Variants in CPXCR1 observed in about 807,000 individuals in gnomAD.
The protein encoded by CPXCR1 is CPX chromosome region candidate 1.
A neutral mutation model predicts 13.8 loss-of-function variants in CPXCR1; 15 were observed. The observed-to-expected ratio is 1.09, with a 90% CI of 0.73 to 1.67. The LOEUF (loss-of-function observed/expected upper bound fraction) is 1.67. Among genes scored for constraint, CPXCR1 ranks in the 40% most tolerant of loss-of-function variants. CPXCR1 has a pLI of 0.00. For synonymous variants in CPXCR1, 70 were observed against 76.7 expected (o/e 0.91, Z 0.46); for missense variants, 247 against 223.6 (o/e 1.10, Z -0.67).
In CPXCR1 at chrX:88,753,719, C is replaced by A. The variant is rs144058777; in HGVS notation, c.305C>A (p.Ser102Tyr). 1,520 of 1,207,300 alleles carry A rather than the reference C, an allele frequency of 1.3e-3. 10 individuals are homozygous for A. The African/African-American group carries it at 0.023, about 18-fold the overall frequency. Reference sequence around the variant, plus strand: ...ACCCCCATTCCCAGAAAATTGGTCTCTCACAAGCCCTTAAATGATAGATCA... The same window carrying A: ...ACCCCCATTCCCAGAAAATTGGTCTATCACAAGCCCTTAAATGATAGATCA... ...LQTPIPRKLV[S>Y]HKPLNDRSRS... Residue 102 changes from serine (S) to tyrosine (Y), a missense_variant, in exon 3 of 3, where the codon TCT becomes TAT. Physicochemically the swap from Ser to Tyr is moderately radical, Grantham distance 144. Coordinates refer to ENST00000276127, the MANE Select transcript of CPXCR1 (RefSeq NM_033048.6).
intron 2 of CPXCR1, among the ~76,000 whole-genome samples, chrX:88,752,524 T>TTTTATTTATTTA (rs58707373): frequency 2.8e-4 from 27 of 96,889 alleles, no homozygotes; most frequent in African/African-American, 7.1e-4. Flanking sequence ...TATTTATCCA[T>TTTTATTTATTTA]TTTATTTATT....
chrX:88,749,733 A>G (rs906842709), intron 2 of CPXCR1, among the ~76,000 whole-genome samples: 3 of 110,183 alleles, frequency 2.7e-5, no homozygotes, highest in African/African-American at 9.9e-5. Flanking sequence ...TAAAATAAAG[A>G]TAAATAAAGC....
intron 2 of CPXCR1, among the ~76,000 whole-genome samples, chrX:88,750,900 C>A (rs1924899979): frequency 8.9e-6 from 1 of 111,877 alleles, no homozygotes; most frequent in Admixed American, 9.5e-5. Context: ...GTTTGTATTT[C>A]TGTGGGATCA....
intron 2 of CPXCR1, among the ~76,000 whole-genome samples, chrX:88,751,140 T>C (rs1924905461): frequency 9.0e-6 from 1 of 111,537 alleles, no homozygotes; most frequent in Non-Finnish European, 1.9e-5. Flanking sequence ...CTTGCTTCTC[T>C]AATTCTTTTA....
chrX:88,750,060 C>T (rs1272229446), intron 2 of CPXCR1, among the ~76,000 whole-genome samples: 1 of 110,342 alleles, frequency 9.1e-6, no homozygotes, highest in South Asian at 3.9e-4. Context: ...TATTTGAATG[C>T]CCTTTCTTTC....
chrX:88,748,795 TTGTGTGTGTG>T (rs748485686), intron 1 of CPXCR1, among the ~76,000 whole-genome samples: 1 of 99,646 alleles, frequency 1.0e-5, no homozygotes, highest in African/African-American at 3.6e-5. Context: ...GATATTTCTT[TTGTGTGTGTG>T]TGTGTGTGTG....
Position 88,754,506 on chromosome X carries a change from C to A in CPXCR1, c.*186C>A. 1 of 348,132 alleles carries A rather than the reference C, an allele frequency of 2.9e-6. No homozygotes were observed. The highest frequency in any genetic ancestry group is 5.1e-6 in the Non-Finnish European group (1 of 195,766). 28.7% of individuals were successfully genotyped at this position (348,132 alleles called of 1,213,427 possible). On this transcript the variant is annotated 3_prime_UTR_variant, in exon 3 of 3. Coordinates refer to ENST00000276127, the MANE Select transcript of CPXCR1 (RefSeq NM_033048.6). ...GGGAGTGAGGAAACATCTGTTTATACTTTGCTTTTACAAGTACATCATTGA... is the reference window on the plus strand; with the variant it reads ...GGGAGTGAGGAAACATCTGTTTATAATTTGCTTTTACAAGTACATCATTGA...
rs749018435 is a variant in CPXCR1 at position 88,754,027 on chromosome X, T to C, written c.613T>C (p.Tyr205His). The C allele has an allele frequency of 8.3e-7, 1 of 1,211,145 alleles. No homozygotes were observed. The highest frequency in any genetic ancestry group is 1.8e-5 in the South Asian group (1 of 56,919). The change falls in exon 3 of 3, where the codon TAC (tyrosine) becomes CAC (histidine). Residue 205 changes from tyrosine to histidine, a missense_variant. Coordinates refer to ENST00000276127, the MANE Select transcript of CPXCR1 (RefSeq NM_033048.6). ...TFRRPSRVHYYRPLTERMTSG... is the reference protein window; with the variant it reads ...TFRRPSRVHYHRPLTERMTSG... ...TAGAAGGCCTTCGAGGGTGCACTAC[T>C]ACCGTCCCCTCACTGAGAGAATGAC...
chrX:88,749,937 A>T (rs771104971), intron 2 of CPXCR1, among the ~76,000 whole-genome samples: 3 of 109,055 alleles, frequency 2.8e-5, no homozygotes, highest in Non-Finnish European at 5.7e-5. Flanking sequence ...GTATCCTGAG[A>T]CTTTGCTGAA....
intron 2 of CPXCR1, among the ~76,000 whole-genome samples, chrX:88,749,738 T>A (rs1924867423): frequency 9.2e-6 from 1 of 109,260 alleles, no homozygotes; most frequent in African/African-American, 3.3e-5. Flanking sequence ...TAAAGATAAA[T>A]AAAGCAGGAT....
rs1924997194 is a variant in CPXCR1, at chrX:88,753,820, A to C, written c.406A>C (p.Thr136Pro). The C allele has an allele frequency of 3.3e-6, 4 of 1,209,484 alleles. No homozygotes were observed. The East Asian group carries it at 1.2e-4, about 36-fold the overall frequency. ...INHKTRFRLS[T>P]SWRVPFINSH... is the part of the protein sequence containing the mutation. ...TCACAAAACTCGTTTTCGACTTTCA[A>C]CTTCATGGAGAGTCCCATTTATTAA... Residue 136 changes from threonine (T) to proline (P), a missense_variant, in exon 3 of 3, where the codon ACT (threonine) becomes CCT (proline). Physicochemically the swap from Thr to Pro is conservative, Grantham distance 38. Transcript: ENST00000276127.
chrX:88,749,847 A>G (rs1451954028), intron 2 of CPXCR1, among the ~76,000 whole-genome samples: 1 of 108,000 alleles, frequency 9.3e-6, no homozygotes, highest in Middle Eastern at 4.4e-3. Context: ...ACAGCACAAG[A>G]CAAAGATACG....
At position 88,754,524 on chromosome X, in the gene CPXCR1, A is replaced by G. The variant is rs1263524341; in HGVS notation, c.*204A>G. 5.8e-5 allele frequency: 19 copies of G among 327,111 alleles called. No individual in the cohort carries two copies. Among genetic ancestry groups the G allele is most frequent in the Middle Eastern group, 8.8e-4 (1 of 1,130 alleles). The allele number at this position is 327,111 out of a possible 1,213,427, so 27.0% of individuals were successfully genotyped here. ...GTTTATACTTTGCTTTTACAAGTAC[A>G]TCATTGAAATATCAGACCTGTCATC... On this transcript the variant is annotated 3_prime_UTR_variant, in exon 3 of 3. Transcript: ENST00000276127.
Position 88,753,708 on chromosome X carries a change from A to C in CPXCR1, c.294A>C (p.Arg98Ser), listed in dbSNP as rs769898787. Residue 98 changes from arginine to serine, a missense_variant, in exon 3 of 3, where the codon AGA (arginine) becomes AGC (serine). Physicochemically the swap from Arg to Ser is moderately radical, Grantham distance 110 (BLOSUM62 -1). Coordinates refer to ENST00000276127, the MANE Select transcript of CPXCR1 (RefSeq NM_033048.6). ...ELLLLQTPIPRKLVSHKPLND... is the reference protein window; with the variant it reads ...ELLLLQTPIPSKLVSHKPLND... The stretch of plus-strand genomic sequence containing the variant: ...TTCTACTTCAGACCCCCATTCCCAG[A>C]AAATTGGTCTCTCACAAGCCCTTAA... The C allele has an allele frequency of 8.3e-7, 1 of 1,210,464 alleles. No individual in the cohort carries two copies. Among genetic ancestry groups the C allele is most frequent in the South Asian group, 1.8e-5 (1 of 56,887 alleles).
chrX:88,752,727 T>C (rs5941776), intron 2 of CPXCR1, among the ~76,000 whole-genome samples: 4,000 of 109,472 alleles, frequency 0.037, 94 homozygotes, highest in Middle Eastern at 0.07. Context: ...TTGTATTTTT[T>C]GTAGAGACAG....
chrX:88,748,842 TC>T (rs1443007430), intron 1 of CPXCR1, among the ~76,000 whole-genome samples: 3 of 18,198 alleles, frequency 1.6e-4, no homozygotes, highest in South Asian at 2.3e-3. Flanking sequence ...TGTATTTTTT[TC>T]TTTTTTTTTT....
rs750068901 is a variant in CPXCR1, at chrX:88,753,466, A to T, written c.52A>T (p.Asn18Tyr). The T allele has an allele frequency of 1.8e-5, 21 of 1,160,016 alleles. No homozygotes were observed. The highest frequency in any genetic ancestry group is 2.3e-5 in the Non-Finnish European group (20 of 870,867). The stretch of plus-strand genomic sequence containing the variant: ...TGATACAGCTGGAAATGCTCACAAA[A>T]ATTCTGAAAATGAGCCTCCTAATGA... ...GSDTAGNAHK[N>Y]SENEPPNDCS... The change falls in exon 3 of 3, where the codon AAT (asparagine) becomes TAT (tyrosine). Residue 18 changes from asparagine (N) to tyrosine (Y), a missense_variant. By Grantham distance (143) the Asn-to-Tyr change is moderately radical. Transcript: ENST00000276127.
chrX:88,752,564 A>ATTTATTT (rs1924951272), intron 2 of CPXCR1, among the ~76,000 whole-genome samples: 1 of 107,765 alleles, frequency 9.3e-6, no homozygotes, highest in African/African-American at 3.4e-5. Flanking sequence ...TTATTTATTT[A>ATTTATTT]AAGATGGAGT....
Position 88,753,484 on chromosome X carries a change from C to A in CPXCR1, c.70C>A (p.Pro24Thr). 8.4e-7 allele frequency: 1 copy of A among 1,184,791 alleles called. No individual in the cohort carries two copies. The highest frequency in any genetic ancestry group is 1.1e-6 in the Non-Finnish European group (1 of 882,202). Residue 24 changes from proline (P) to threonine (T), a missense_variant, in exon 3 of 3, where the codon CCT (proline) becomes ACT (threonine). Pro to Thr is a conservative substitution (Grantham distance 38). Transcript: ENST00000276127. ...TCACAAAAATTCTGAAAATGAGCCT[C>A]CTAATGACTGTAGTACAGACATAGA... ...NAHKNSENEPPNDCSTDIESP... is the reference protein window; with the variant it reads ...NAHKNSENEPTNDCSTDIESP...
Sources: gnomAD v4.1 joint callset for allele counts (sites outside exome capture counted in the v4.1 genomes callset) on GRCh38, gnomAD v4.1.1 for gene constraint, MANE v1.5 for transcripts, NCBI Gene and HGNC (gene_info 2026-07-23, HGNC 2026-07-21) for gene names.